RPS6KC1: variants seen among roughly 807,000 people sequenced by gnomAD.
The protein encoded by RPS6KC1 is inactive ribosomal protein S6 kinase delta-1.
Under a neutral mutation model 103.8 loss-of-function variants are expected in RPS6KC1, and 54 were observed. That is an observed-to-expected ratio of 0.52 (90% confidence interval 0.42 to 0.65). The LOEUF (loss-of-function observed/expected upper bound fraction) is 0.65, where lower values mean the gene tolerates loss of function less well. RPS6KC1 is among the 30% of genes least tolerant of loss of function. The probability of loss-of-function intolerance (pLI) is 0.00; values close to 1 mark genes in which losing one functional copy is unlikely to be tolerated. For missense variants in RPS6KC1, 1,151 were observed against 1,253.8 expected (o/e 0.92, Z 1.24); for synonymous variants, 439 against 438.7 (o/e 1.00, Z -0.01).
the RPS6KC1 span, among the ~76,000 whole-genome samples, chr1:213,358,883 T>C: frequency 6.6e-6 from 1 of 152,374 alleles, no homozygotes; most frequent in South Asian, 2.1e-4. Context: ...AGTTTCTTAA[T>C]CCTGAGTTCT....
the RPS6KC1 span, among the ~76,000 whole-genome samples, chr1:213,467,087 T>C: frequency 2.0e-5 from 3 of 152,158 alleles, no homozygotes; most frequent in Non-Finnish European, 2.9e-5. Context: ...AAACTCCCTA[T>C]TGGCAGCAGA....
the RPS6KC1 span, among the ~76,000 whole-genome samples, chr1:213,761,624 T>C: frequency 6.6e-6 from 1 of 152,252 alleles, no homozygotes; most frequent in African/African-American, 2.4e-5. Flanking sequence ...GCAAATGGCT[T>C]CTGCCTTTCA....
the RPS6KC1 span, among the ~76,000 whole-genome samples, chr1:213,679,674 ATG>A: frequency 1.1e-4 from 17 of 152,308 alleles, 1 homozygote; most frequent in African/African-American, 3.6e-4. Flanking sequence ...ATTTTCTTCC[ATG>A]TCCAATTCAG....
At chr1:213,761,314 T>A in the RPS6KC1 span, among the ~76,000 whole-genome samples, 1 of 152,176 alleles carries the variant, frequency 6.6e-6, no homozygotes, top group Non-Finnish European at 1.5e-5. Context: ...CACAGCCAGA[T>A]GAATTTTGGT....
At chr1:213,479,095 A>G in the RPS6KC1 span, among the ~76,000 whole-genome samples, 1 of 152,114 alleles carries the variant, frequency 6.6e-6, no homozygotes, top group Non-Finnish European at 1.5e-5. Flanking sequence ...AGATTTACTT[A>G]TTTAATATAT....
intron 14 of RPS6KC1, among the ~76,000 whole-genome samples, chr1:213,269,278 A>ATTT (rs2094985026): frequency 6.6e-6 from 1 of 152,220 alleles, no homozygotes; most frequent in Non-Finnish European, 1.5e-5. Flanking sequence ...ATGTATATGC[A>ATTT]CTAATAATGA....
intron 8 of RPS6KC1, among the ~76,000 whole-genome samples, chr1:213,194,796 G>A (rs867612671): frequency 2.6e-5 from 4 of 152,144 alleles, no homozygotes; most frequent in Non-Finnish European, 5.9e-5. Context: ...TGCCCTACAT[G>A]TACCCCCTGT....
chr1:213,428,393 C>T, the RPS6KC1 span, among the ~76,000 whole-genome samples: 1 of 149,914 alleles, frequency 6.7e-6, no homozygotes, highest in Non-Finnish European at 1.5e-5. Context: ...TTACCTCCCT[C>T]TCTCTCCACC....
At chr1:213,426,150 C>G in the RPS6KC1 span, among the ~76,000 whole-genome samples, 222 of 152,238 alleles carry the variant, frequency 1.5e-3, no homozygotes, top group Middle Eastern at 6.8e-3. Context: ...TCCGCACTGC[C>G]AGGGTGTGAA....
rs199581175 is a variant in RPS6KC1 at position 213,241,948 on chromosome 1, A to C, written c.2472A>C (p.Pro824=). The C allele has an allele frequency of 1.4e-4, 218 of 1,613,878 alleles. 1 individual carries two copies. Among genetic ancestry groups the C allele is most frequent in the Middle Eastern group, 1.6e-4 (1 of 6,080 alleles). Residue 824 remains proline, a synonymous_variant, in exon 11 of 15, where the codon CCA becomes CCC. Coordinates refer to ENST00000366960, the MANE Select transcript of RPS6KC1 (RefSeq NM_012424.6). ...AAAGCTTATTCCGTATTTGTAGTCCACTCTCAGGTGCTAATGAATATATTG... is the reference window on the plus strand; with the variant it reads ...AAAGCTTATTCCGTATTTGTAGTCCCCTCTCAGGTGCTAATGAATATATTG... ...TEESLFRICS[P]LSGANEYIAS... is the part of the protein sequence containing the mutation.
At chr1:213,496,131 A>G in the RPS6KC1 span, among the ~76,000 whole-genome samples, 1 of 152,194 alleles carries the variant, frequency 6.6e-6, no homozygotes, top group African/African-American at 2.4e-5. Context: ...AAAACTAGAG[A>G]AGTAAATGTG....
intron 4 of RPS6KC1, among the ~76,000 whole-genome samples, chr1:213,110,567 C>T (rs756856843): frequency 5.3e-5 from 8 of 152,146 alleles, no homozygotes; most frequent in Admixed American, 3.3e-4. Context: ...AGCCAGTGCT[C>T]GGTCATTGCT....
At chr1:213,759,224 G>T in the RPS6KC1 span, among the ~76,000 whole-genome samples, 1 of 151,546 alleles carries the variant, frequency 6.6e-6, no homozygotes, top group Non-Finnish European at 1.5e-5. Context: ...ATCATTAGCA[G>T]TTTTTTTTTA....
At chr1:213,357,683 T>C in the RPS6KC1 span, among the ~76,000 whole-genome samples, 1 of 152,196 alleles carries the variant, frequency 6.6e-6, no homozygotes, top group African/African-American at 2.4e-5. Context: ...CCAAAGAAAG[T>C]GCCATTCACT....
At position 213,095,935 on chromosome 1, in the gene RPS6KC1, T is replaced by C. The variant is rs532204981; in HGVS notation, c.263-8519T>C. The stretch of plus-strand genomic sequence containing the variant: ...TGGTTGCTGAAAGTTGGGGTAGTTG[T>C]GGCAATTTCTTAAAATAAGACAACG... On this transcript the variant is annotated intron_variant, in intron 3 of 14. Transcript: ENST00000366960. 2.6e-5 allele frequency among the ~76,000 whole-genome samples: 4 copies of C among 152,362 alleles called. No homozygotes were observed. The East Asian group carries it at 5.8e-4, about 22-fold the overall frequency.
the RPS6KC1 span, among the ~76,000 whole-genome samples, chr1:213,385,878 G>T: frequency 9.9e-5 from 15 of 152,172 alleles, no homozygotes; most frequent in Non-Finnish European, 2.1e-4. Flanking sequence ...AGACAGTGCG[G>T]CTAAGAGTGG....
At chr1:213,582,391 A>G in the RPS6KC1 span, among the ~76,000 whole-genome samples, 6 of 152,088 alleles carry the variant, frequency 3.9e-5, no homozygotes. Flanking sequence ...ACCCAAGCAA[A>G]GATGGCCTCT....
chr1:213,690,173 C>A, the RPS6KC1 span, among the ~76,000 whole-genome samples: 2 of 152,214 alleles, frequency 1.3e-5, no homozygotes, highest in African/African-American at 2.4e-5. Flanking sequence ...GTATATTTAT[C>A]ATGTCTCTCT....
At chr1:213,411,814 G>T in the RPS6KC1 span, among the ~76,000 whole-genome samples, 1 of 152,156 alleles carries the variant, frequency 6.6e-6, no homozygotes, top group Non-Finnish European at 1.5e-5. Context: ...ACAGCTGGGG[G>T]CAGTGCTTCA....
Sources: allele counts gnomAD v4.1 joint callset (sites outside exome capture counted in the v4.1 genomes callset), GRCh38; gene constraint gnomAD v4.1.1; transcripts MANE v1.5; gene names NCBI Gene and HGNC (gene_info 2026-07-23, HGNC 2026-07-21).